Variants in ZZEF1 observed in about 807,000 individuals in gnomAD.
ZZEF1 encodes zinc finger ZZ-type and EF-hand domain-containing protein 1.
Under a neutral mutation model 342.8 loss-of-function variants are expected in ZZEF1, and 157 were observed. The ratio of observed to expected loss-of-function variants is 0.46; its 90% CI spans 0.40 to 0.52. ZZEF1 has a LOEUF of 0.52. ZZEF1 is among the 20% of genes least tolerant of loss of function. The pLI is 0.00. For missense variants in ZZEF1, 3,480 were observed against 3,725.6 expected (o/e 0.93, Z 1.72); for synonymous variants, 1,505 against 1,429.1 (o/e 1.05, Z -1.20).
rs79411454 is a variant in ZZEF1, at chr17:4,008,752, A to G, written c.8805+131T>C. 46 of 1,443,070 alleles carry G rather than the reference A, an allele frequency of 3.2e-5. No individual in the cohort carries two copies. In the East Asian group the frequency reaches 1.1e-3, roughly 35 times the overall value. 89.4% of individuals were successfully genotyped at this position (1,443,070 alleles called of 1,614,324 possible). On this transcript the variant is annotated intron_variant, in intron 54 of 54. Transcript: ENST00000381638. This position sits in a 1 kb window ranked among gnomAD's most constrained non-coding sequence, Gnocchi z 4.2. ...ACCAGGAGGAAGTGACTGAACTGGA[A>G]CAAGCTCTGTGTAAGCTCCGGGTGG...
intron 16 of ZZEF1, among the ~76,000 whole-genome samples, chr17:4,082,745 G>A (rs1183856057): frequency 6.6e-6 from 1 of 152,118 alleles, no homozygotes; most frequent in Non-Finnish European, 1.5e-5. Context: ...GAAGGTTCAA[G>A]TTTCCTGCTT....
At chr17:4,063,484 G>A (rs2057325836) in intron 29 of ZZEF1, among the ~76,000 whole-genome samples, 1 of 152,114 alleles carries the variant, frequency 6.6e-6, no homozygotes, top group African/African-American at 2.4e-5. Flanking sequence ...CCCAAAAAAT[G>A]CTTCCTTTTA....
chr17:4,027,373 C>T (rs936689911), intron 42 of ZZEF1, among the ~76,000 whole-genome samples: 1 of 141,628 alleles, frequency 7.1e-6, no homozygotes, highest in Admixed American at 7.6e-5. Flanking sequence ...TGGCTCACTG[C>T]AACCTCCGCC....
In ZZEF1 at chr17:4,009,728, G is replaced by T. The variant is rs372465237; in HGVS notation, c.8609C>A (p.Pro2870His). 16 of 1,613,940 alleles carry T rather than the reference G, an allele frequency of 9.9e-6. No homozygotes were observed. Among genetic ancestry groups the T allele is most frequent in the African/African-American group, 1.3e-5 (1 of 74,898 alleles). ...SDLCDLALLKPLWQLFTHMEY... is the reference protein window; with the variant it reads ...SDLCDLALLKHLWQLFTHMEY... ...CATGTGGGTAAAGAGCTGCCACAGG[G>T]GCTTCAACAGCGCAAGGTCACACAG... is the stretch of plus-strand genomic sequence containing the variant. The change falls in exon 53 of 55, where the codon CCC (proline) becomes CAC (histidine). Residue 2870 changes from proline to histidine, a missense_variant. Pro to His is a moderately conservative substitution (Grantham distance 77). Around this residue, in one of 5 missense-constraint regions of ZZEF1, gnomAD observed 1,269 missense variants for 1,342.4 expected, o/e 0.95. Coordinates refer to ENST00000381638, the MANE Select transcript of ZZEF1 (RefSeq NM_015113.4).
At chr17:4,104,356 A>G (rs17176181) in intron 8 of ZZEF1, among the ~76,000 whole-genome samples, 11,679 of 152,242 alleles carry the variant, frequency 0.077, 531 homozygotes, top group South Asian at 0.13. Flanking sequence ...ACCAGACCTG[A>G]GTAATTTTGC....
Position 4,142,732 on chromosome 17 carries a change from C to T in ZZEF1, c.164G>A (p.Arg55Lys). Residue 55 changes from arginine (R) to lysine (K), a missense_variant, in exon 1 of 55, where the codon AGG (arginine) becomes AAG (lysine). Around this residue, in one of 5 missense-constraint regions of ZZEF1, gnomAD observed 416 missense variants for 374.2 expected, o/e 1.11. Coordinates refer to ENST00000381638, the MANE Select transcript of ZZEF1 (RefSeq NM_015113.4). ...CAACGCTGCAGCAGCCTCTCGCAGC[C>T]TGGCCGGCTCCAGCAGCGCCGCGGC... ...PPAAALLEPA[R>K]LREAAAALLP... 1 of 1,539,564 alleles carries T rather than the reference C, an allele frequency of 6.5e-7. No homozygotes were observed. The highest frequency in any genetic ancestry group is 8.7e-7 in the Non-Finnish European group (1 of 1,148,414).
intron 1 of ZZEF1, among the ~76,000 whole-genome samples, chr17:4,124,543 A>G (rs1194807149): frequency 1.3e-5 from 2 of 151,838 alleles, no homozygotes; most frequent in African/African-American, 4.8e-5. Flanking sequence ...CCCGGGTTCA[A>G]GTGATTCTCC....
Position 4,102,316 on chromosome 17 carries a change from C to T in ZZEF1, c.1672+1G>A, listed in dbSNP as rs1191850595. 6.2e-7 allele frequency: 1 copy of T among 1,613,406 alleles called. No individual in the cohort carries two copies. Among genetic ancestry groups the T allele is most frequent in the Non-Finnish European group, 8.5e-7 (1 of 1,179,430 alleles). On this transcript the variant is annotated splice_donor_variant, in intron 9 of 54. Coordinates refer to ENST00000381638, the MANE Select transcript of ZZEF1 (RefSeq NM_015113.4). LOFTEE classifies it high-confidence loss of function. ...TAGAAACAGACAGACCCACCACTCACCATCCCTTGTCCACGGTTCAACAAG... is the reference window on the plus strand; with the variant it reads ...TAGAAACAGACAGACCCACCACTCATCATCCCTTGTCCACGGTTCAACAAG...
intron 1 of ZZEF1, among the ~76,000 whole-genome samples, chr17:4,139,171 G>A (rs1288438409): frequency 7.1e-6 from 1 of 140,532 alleles, no homozygotes; most frequent in African/African-American, 2.8e-5. Context: ...GAAAAGGTGT[G>A]TTGTACTATA....
chr17:4,036,506 G>T (rs1378238417), intron 39 of ZZEF1, among the ~76,000 whole-genome samples: 1 of 151,802 alleles, frequency 6.6e-6, no homozygotes, highest in Non-Finnish European at 1.5e-5. Context: ...AGGCCGAGGT[G>T]GGTGGATCAC....
intron 1 of ZZEF1, among the ~76,000 whole-genome samples, chr17:4,138,071 G>C (rs973255824): frequency 6.6e-6 from 1 of 152,166 alleles, no homozygotes; most frequent in African/African-American, 2.4e-5. Context: ...GTGCAGGTGG[G>C]GGAAAGGTAA....
chr17:4,022,735 T>A lies in ZZEF1; in HGVS notation c.7186A>T (p.Lys2396Ter), dbSNP rs1567768661. 1 of 1,613,932 alleles carries A rather than the reference T, an allele frequency of 6.2e-7. No homozygotes were observed. Among genetic ancestry groups the A allele is most frequent in the Non-Finnish European group, 8.5e-7 (1 of 1,179,966 alleles). The change falls in exon 44 of 55, where the codon AAA becomes TAA. Residue 2396 changes from lysine to a stop codon, truncating the protein, a stop_gained. Coordinates refer to ENST00000381638, the MANE Select transcript of ZZEF1 (RefSeq NM_015113.4). LOFTEE classifies it high-confidence loss of function. ...KKCSKGTGFS[K>*]TWLLRDLEIL... Reference sequence around the variant, plus strand: ...TCCAGGTCCCGGAGGAGCCACGTTTTACTAAAGCCAGTCCCTTTGCTGCAC... The same window carrying A: ...TCCAGGTCCCGGAGGAGCCACGTTTAACTAAAGCCAGTCCCTTTGCTGCAC...
At chr17:4,130,541 G>A (rs139861330) in intron 1 of ZZEF1, among the ~76,000 whole-genome samples, 4 of 152,216 alleles carry the variant, frequency 2.6e-5, no homozygotes, top group African/African-American at 9.6e-5. Context: ...AGGTTGGAAG[G>A]TGAAGAGACC....
chr17:4,008,800 T>C lies in ZZEF1; in HGVS notation c.8805+83A>G. 2.0e-6 allele frequency: 3 copies of C among 1,517,046 alleles called. No individual in the cohort carries two copies. The highest frequency in any genetic ancestry group is 2.7e-6 in the Non-Finnish European group (3 of 1,131,774). The allele number at this position is 1,517,046 out of a possible 1,614,324, so 94.0% of individuals were successfully genotyped here. A position where few individuals can be genotyped will look rare whatever the true frequency, so the allele number is the denominator to read the frequency against. On this transcript the variant is annotated intron_variant, in intron 54 of 54. Transcript: ENST00000381638. The surrounding 1 kb of genome is among the most constrained non-coding windows in gnomAD (Gnocchi z 4.2). ...TGGATTCTGTCCTACTCAGACGCAATGTACAGACCTTCTCTGCCCTGGCAA... is the reference window on the plus strand; with the variant it reads ...TGGATTCTGTCCTACTCAGACGCAACGTACAGACCTTCTCTGCCCTGGCAA...
intron 6 of ZZEF1, among the ~76,000 whole-genome samples, chr17:4,106,982 A>G (rs1213939500): frequency 6.6e-6 from 1 of 152,202 alleles, no homozygotes; most frequent in Non-Finnish European, 1.5e-5. Flanking sequence ...TGTCTACACA[A>G]TGAGCCATTT....
intron 8 of ZZEF1, among the ~76,000 whole-genome samples, chr17:4,103,641 G>A (rs896110016): frequency 6.6e-6 from 1 of 152,324 alleles, no homozygotes; most frequent in Non-Finnish European, 1.5e-5. Flanking sequence ...GCAGAAGCCA[G>A]GTGTGGTGGC....
At chr17:4,112,894 C>T in intron 4 of ZZEF1, 86 bp from the exon 5 acceptor site, 2 of 1,181,244 alleles carry the variant, frequency 1.7e-6, no homozygotes, top group Non-Finnish European at 2.3e-6. Flanking sequence ...AAAGAGCTTA[C>T]ATTTGATATA....
rs1259153855 is a variant in ZZEF1, at chr17:4,006,822, T to G, written c.*68A>C. 62 of 1,505,522 alleles carry G rather than the reference T, an allele frequency of 4.1e-5. No individual in the cohort carries two copies. Among genetic ancestry groups the G allele is most frequent in the Non-Finnish European group, 5.2e-5 (58 of 1,104,950 alleles). The allele number at this position is 1,505,522 out of a possible 1,614,324, so 93.3% of individuals were successfully genotyped here. A position where few individuals can be genotyped will look rare whatever the true frequency, so the allele number is the denominator to read the frequency against. ...CTGGCGCTACAGGAGTTTTCCTGAA[T>G]GAGGTTAGATGTCTGCTCTAAAATC... On this transcript the variant is annotated 3_prime_UTR_variant, in exon 55 of 55. Transcript: ENST00000381638.
chr17:4,044,394 A>G lies in ZZEF1; in HGVS notation c.6016-20T>C, dbSNP rs375820879. On this transcript the variant is annotated intron_variant, in intron 37 of 54. Transcript: ENST00000381638. The stretch of plus-strand genomic sequence containing the variant: ...CTTTCCCTAAAAAAACAAAAGTGTA[A>G]AAGAATTAAGGTTTCTTATAACAAA... The G allele has an allele frequency of 3.8e-6, 6 of 1,599,622 alleles. No individual in the cohort carries two copies. Among genetic ancestry groups the G allele is most frequent in the African/African-American group, 1.3e-5 (1 of 74,104 alleles).
Sources: allele counts gnomAD v4.1 joint callset (sites outside exome capture counted in the v4.1 genomes callset), GRCh38; gene constraint gnomAD v4.1.1; regional missense constraint gnomAD v4.1.1; non-coding constraint Gnocchi (gnomAD v3.1); transcripts MANE v1.5; gene names NCBI Gene and HGNC (gene_info 2026-07-23, HGNC 2026-07-21).